KIAA0586: variants seen among roughly 807,000 people sequenced by gnomAD.
KIAA0586 encodes protein TALPID3.
A neutral mutation model predicts 169.8 loss-of-function variants in KIAA0586; 144 were observed. The observed-to-expected ratio is 0.85, with a 90% confidence interval of 0.74 to 0.97. KIAA0586 has a LOEUF of 0.97. Ranked by LOEUF, KIAA0586 falls within the 50% of genes least tolerant of loss-of-function variation. The pLI is 0.00. For missense variants in KIAA0586, 1,854 were observed against 1,823.0 expected (o/e 1.02, Z -0.31); for synonymous variants, 625 against 612.4 (o/e 1.02, Z -0.30).
chr14:58,469,838 C>T (rs888586472), intron 16 of KIAA0586, among the ~76,000 whole-genome samples: 2 of 152,002 alleles, frequency 1.3e-5, no homozygotes, highest in East Asian at 3.8e-4. Flanking sequence ...ATTGAAATAA[C>T]AATAAGATGC....
intron 20 of KIAA0586, among the ~76,000 whole-genome samples, chr14:58,481,316 T>C (rs1230581366): frequency 2.0e-5 from 3 of 152,226 alleles, no homozygotes; most frequent in African/African-American, 7.2e-5. Flanking sequence ...ATCACTACTT[T>C]AAGTCAAGTA....
chr14:58,460,681 T>G (rs567804237), intron 13 of KIAA0586, among the ~76,000 whole-genome samples: 1 of 152,302 alleles, frequency 6.6e-6, no homozygotes, highest in South Asian at 2.1e-4. Flanking sequence ...GTTGTTGTAT[T>G]TTTATTGTAC....
At chr14:58,506,121 A>G (rs1049177863) in intron 27 of KIAA0586, among the ~76,000 whole-genome samples, 1 of 152,110 alleles carries the variant, frequency 6.6e-6, no homozygotes, top group Non-Finnish European at 1.5e-5. Context: ...AGTTTTCAAT[A>G]TCTTCTTTTT....
intron 20 of KIAA0586, among the ~76,000 whole-genome samples, chr14:58,480,476 A>G (rs944068861): frequency 2.0e-5 from 3 of 151,718 alleles, no homozygotes; most frequent in South Asian, 4.2e-4. Flanking sequence ...TCCTCCTGAC[A>G]TTAGTTATCC....
Position 58,428,174 on chromosome 14 carries a change from G to A in KIAA0586, c.-91G>A, listed in dbSNP as rs2037003651. The A allele has an allele frequency of 4.0e-6, 6 of 1,505,136 alleles. No individual in the cohort carries two copies. The highest frequency in any genetic ancestry group is 4.4e-6 in the Non-Finnish European group (5 of 1,130,088). 93.2% of individuals were successfully genotyped at this position (1,505,136 alleles called of 1,614,324 possible). A position where few individuals can be genotyped will look rare whatever the true frequency, so the allele number is the denominator to read the frequency against. The stretch of plus-strand genomic sequence containing the variant: ...GTTCGACATTTTAAAAACAGTTATT[G>A]CAAAGAGGTGAAAATTTTGTTCTGA... On this transcript the variant is annotated 5_prime_UTR_variant, in exon 1 of 31. Transcript: ENST00000652326.
rs74056155 is a variant in KIAA0586 at position 58,468,844 on chromosome 14, A to G, written c.2442+922A>G. Among the ~76,000 whole-genome samples, 1,504 of 152,124 alleles carry G rather than the reference A, an allele frequency of 9.9e-3. 26 individuals carry two copies. Among genetic ancestry groups the G allele is most frequent in the African/African-American group, 0.035 (1,452 of 41,500 alleles). ...TTGCTTACTTACAAATAATTAGAACACTCCAGTCCTTAGACTGCTCCAAGG... is the reference window on the plus strand; with the variant it reads ...TTGCTTACTTACAAATAATTAGAACGCTCCAGTCCTTAGACTGCTCCAAGG... On this transcript the variant is annotated intron_variant, in intron 16 of 30. Coordinates refer to ENST00000652326, the MANE Select transcript of KIAA0586 (RefSeq NM_001329943.3).
At chr14:58,510,351 G>A (rs1034205601) in intron 28 of KIAA0586, among the ~76,000 whole-genome samples, 1 of 152,150 alleles carries the variant, frequency 6.6e-6, no homozygotes, top group Non-Finnish European at 1.5e-5. Flanking sequence ...CCTGGTGACA[G>A]AGCAAAACTC....
chr14:58,521,040 G>A, intron 29 of KIAA0586: 1 of 340,846 alleles, frequency 2.9e-6, no homozygotes. Flanking sequence ...GCCATTTTGT[G>A]AAGAGATGAA....
At chr14:58,522,059 T>G in intron 29 of KIAA0586, 2 of 870,494 alleles carry the variant, frequency 2.3e-6, no homozygotes, top group Non-Finnish European at 3.8e-6. Context: ...AAGATCAAAT[T>G]TTTCACCAGA....
chr14:58,452,453 A>G (rs1250666696), intron 8 of KIAA0586, among the ~76,000 whole-genome samples: 2 of 152,228 alleles, frequency 1.3e-5, no homozygotes, highest in African/African-American at 2.4e-5. Context: ...AGATAATAAA[A>G]TCTTTAATAA....
At chr14:58,470,801 T>G (rs1595247621) in intron 17 of KIAA0586, 78 bp downstream of exon 17, 1 of 686,638 alleles carries the variant, frequency 1.5e-6, no homozygotes, top group East Asian at 2.8e-5. Context: ...ATTTAAAGCC[T>G]TTTATCATAA....
chr14:58,542,484 A>T (rs1209410593), intron 30 of KIAA0586, among the ~76,000 whole-genome samples: 23 of 152,130 alleles, frequency 1.5e-4, no homozygotes, highest in Admixed American at 1.1e-3. Context: ...CTCAAAAAAA[A>T]AAAAAATTCC....
chr14:58,516,695 A>C (rs560138860), intron 29 of KIAA0586, among the ~76,000 whole-genome samples: 49 of 152,324 alleles, frequency 3.2e-4, no homozygotes, highest in African/African-American at 1.1e-3. Context: ...TAGCCAAAAT[A>C]ACTTTTAAAA....
At chr14:58,486,222 G>A (rs2042426991) in intron 21 of KIAA0586, among the ~76,000 whole-genome samples, 1 of 151,980 alleles carries the variant, frequency 6.6e-6, no homozygotes, top group Non-Finnish European at 1.5e-5. Context: ...TTCTTCCTCT[G>A]TTTGTTTGTT....
chr14:58,542,727 G>A (rs1050777246), intron 30 of KIAA0586, among the ~76,000 whole-genome samples: 2 of 152,050 alleles, frequency 1.3e-5, no homozygotes, highest in African/African-American at 4.8e-5. Flanking sequence ...GAGCCTCATT[G>A]CCTCTTAGAT....
In KIAA0586 at chr14:58,429,385, T is replaced by C. The variant is rs1246093719; in HGVS notation, c.222T>C (p.Ala74=). ...TSRGSSDLTS[A]RNCYQPLLEN... ...TAGGTTCATCAGACTTAACTTCTGC[T>C]AGAAATTGTTACCAGCCTCTATTAG... Residue 74 remains alanine (A), a synonymous_variant, in exon 2 of 31, where the codon GCT becomes GCC. Transcript: ENST00000652326. 1 of 1,598,116 alleles carries C rather than the reference T, an allele frequency of 6.3e-7. No individual in the cohort carries two copies. The highest frequency in any genetic ancestry group is 2.2e-5 in the East Asian group (1 of 44,690).
intron 27 of KIAA0586, among the ~76,000 whole-genome samples, chr14:58,507,438 ACT>A (rs780529924): frequency 1.3e-5 from 2 of 149,350 alleles, no homozygotes; most frequent in Non-Finnish European, 3.0e-5. Context: ...TTTGCATATA[ACT>A]CTTCAGGTCT....
Position 58,543,720 on chromosome 14 carries a change from A to G in KIAA0586, c.4495+3584A>G, listed in dbSNP as rs370464365. Among the ~76,000 whole-genome samples, 216 of 152,272 alleles carry G rather than the reference A, an allele frequency of 1.4e-3. 8 individuals carry two copies. In the South Asian group the frequency reaches 0.043, roughly 30 times the overall value. On this transcript the variant is annotated intron_variant, in intron 30 of 30. Transcript: ENST00000652326. The stretch of plus-strand genomic sequence containing the variant: ...ATTTCAGAGTGAAACTTGGTTCTTT[A>G]TAAGTACTAAGTCTCCATCCAAAAT...
Position 58,465,947 on chromosome 14 carries a change from A to G in KIAA0586, c.2172A>G (p.Gln724=). The G allele has an allele frequency of 1.2e-6, 2 of 1,613,472 alleles. No homozygotes were observed. Among genetic ancestry groups the G allele is most frequent in the African/African-American group, 1.3e-5 (1 of 75,056 alleles). ...CTGTGTTACCTCATGGCGATCAGCA[A>G]TATTTGTTCAGCCCAAGTAGAGAAA... is the stretch of plus-strand genomic sequence containing the variant. ...SVPVLPHGDQ[Q]YLFSPSREMP... Residue 724 remains glutamine (Q), a synonymous_variant, in exon 15 of 31, where the codon CAA becomes CAG. Transcript: ENST00000652326.
Sources: allele counts gnomAD v4.1 joint callset (sites outside exome capture counted in the v4.1 genomes callset), GRCh38; gene constraint gnomAD v4.1.1; transcripts MANE v1.5; gene names NCBI Gene and HGNC (gene_info 2026-07-23, HGNC 2026-07-21).